PDE4D: variants seen among roughly 807,000 people sequenced by gnomAD.
PDE4D encodes the protein phosphodiesterase 4D.
Under a neutral mutation model 87.4 loss-of-function variants are expected in PDE4D, and 24 were observed. That is an observed-to-expected ratio of 0.27 (90% CI 0.20 to 0.39). The LOEUF (loss-of-function observed/expected upper bound fraction) is 0.39, where lower values mean the gene tolerates loss of function less well. Ranked by LOEUF, PDE4D falls within the 10% of genes least tolerant of loss-of-function variation. PDE4D has a pLI of 1.00. For synonymous variants in PDE4D, 384 were observed against 383.2 expected (o/e 1.00, Z -0.02); for missense variants, 714 against 1,041.0 (o/e 0.69, Z 4.32).
chr5:59,409,795 T>TG (rs71604790), intron 1 of PDE4D, among the ~76,000 whole-genome samples: 23,882 of 152,086 alleles, frequency 0.16, 2,312 homozygotes, highest in African/African-American at 0.27. Flanking sequence ...GCCTAATACA[T>TG]GGGGTAATTG....
At chr5:59,988,513 C>A (rs752379606) in exon 3 of PDE4D, 1 of 1,598,414 alleles carries the variant, frequency 6.3e-7, no homozygotes, top group Admixed American at 1.7e-5. Flanking sequence ...GAAGTGATAG[C>A]AATCAGCGGC....
intron 1 of PDE4D, among the ~76,000 whole-genome samples, chr5:59,528,397 A>G (rs1459409266): frequency 6.6e-6 from 1 of 152,204 alleles, no homozygotes; most frequent in African/African-American, 2.4e-5. Flanking sequence ...GGAGTTAAAT[A>G]GGGTCACATT....
chr5:59,063,858 G>A, intron 5 of PDE4D, among the ~76,000 whole-genome samples: 1 of 152,096 alleles, frequency 6.6e-6, no homozygotes, highest in East Asian at 1.9e-4. Flanking sequence ...TTAAAGATGA[G>A]TGAAAATAGG....
intron 1 of PDE4D, among the ~76,000 whole-genome samples, chr5:59,510,035 T>A (rs1460684467): frequency 6.7e-6 from 1 of 150,122 alleles, no homozygotes; most frequent in Non-Finnish European, 1.5e-5. Context: ...GAATAGGTAC[T>A]ATACAAATAT....
intron 1 of PDE4D, among the ~76,000 whole-genome samples, chr5:59,663,828 A>G (rs1745642501): frequency 6.6e-6 from 1 of 152,222 alleles, no homozygotes; most frequent in African/African-American, 2.4e-5. Flanking sequence ...TTTGAACCAT[A>G]TAAAGCCTGA....
At chr5:60,500,696 C>G (rs1316425912) in intron 1 of PDE4D, among the ~76,000 whole-genome samples, 1 of 152,216 alleles carries the variant, frequency 6.6e-6, no homozygotes, top group East Asian at 1.9e-4. Context: ...AGCTGCATGA[C>G]TTCAGGCAGC....
intron 1 of PDE4D, among the ~76,000 whole-genome samples, chr5:59,694,785 G>C (rs1279961938): frequency 6.6e-6 from 1 of 152,172 alleles, no homozygotes; most frequent in Non-Finnish European, 1.5e-5. Context: ...AATGTATACT[G>C]TATCCCTATG....
chr5:59,051,457 A>G (rs1761541839), intron 5 of PDE4D, among the ~76,000 whole-genome samples: 1 of 152,232 alleles, frequency 6.6e-6, no homozygotes, highest in African/African-American at 2.4e-5. Context: ...GTCATTGGTT[A>G]ATGACAGAGC....
rs115957531 is a variant in PDE4D at position 59,519,999 on chromosome 5, C to T, written c.456-304031G>A. 6.5e-3 allele frequency among the ~76,000 whole-genome samples: 987 copies of T among 152,250 alleles called. 9 individuals are homozygous for T. The highest frequency in any genetic ancestry group is 0.023 in the African/African-American group (956 of 41,550). On this transcript the variant is annotated intron_variant, in intron 1 of 14. Coordinates refer to ENST00000340635, the MANE Select transcript of PDE4D (RefSeq NM_001104631.2). ...TTTATGGGCAGGACACGGTACCTCA[C>T]ACCTGTAATCCCAGCTTTTTTGGAG...
At position 60,332,768 on chromosome 5, in the gene PDE4D, T is replaced by C. The variant is rs76417270; in HGVS notation, c.-89-147081A>G. On this transcript the variant is annotated intron_variant, in intron 1 of 16. Coordinates refer to the PDE4D transcript ENST00000502484. ...TGAGTTATTTATCACTCAGTGGTTA[T>C]ATATAGATATGGCTATGAGTCATTT... Among the ~76,000 whole-genome samples the C allele has an allele frequency of 0.012, 1,829 of 152,258 alleles. 61 individuals are homozygous for C. In the East Asian group the frequency reaches 0.13, roughly 11 times the overall value.
chr5:59,875,460 C>CAAAAAAAAAAAAAAAAAAAA (rs3062667), intron 1 of PDE4D, among the ~76,000 whole-genome samples: 6 of 39,688 alleles, frequency 1.5e-4, no homozygotes, highest in African/African-American at 4.1e-4. Flanking sequence ...ACCTCCGTCT[C>CAAAAAAAAAAAAAAAAAAAA]AAAAAAAAAA....
At chr5:59,821,592 A>G (rs1769683240) in intron 1 of PDE4D, among the ~76,000 whole-genome samples, 1 of 152,254 alleles carries the variant, frequency 6.6e-6, no homozygotes, top group East Asian at 1.9e-4. Flanking sequence ...TGTTTTAAAT[A>G]AAGTTTCCTT....
intron 2 of PDE4D, among the ~76,000 whole-genome samples, chr5:60,135,921 A>C (rs1779997711): frequency 6.6e-6 from 1 of 152,166 alleles, no homozygotes; most frequent in African/African-American, 2.4e-5. Context: ...TTCTTTGACA[A>C]TAGACCTTCC....
intron 1 of PDE4D, among the ~76,000 whole-genome samples, chr5:59,720,662 C>A (rs1755695819): frequency 6.6e-6 from 1 of 152,122 alleles, no homozygotes; most frequent in Non-Finnish European, 1.5e-5. Context: ...AGTTACAACT[C>A]TGTGTTTTAA....
chr5:59,480,196 C>T (rs1011835218), intron 1 of PDE4D, among the ~76,000 whole-genome samples: 5 of 145,776 alleles, frequency 3.4e-5, no homozygotes, highest in East Asian at 2.0e-4. Context: ...GTACTCCAAG[C>T]TTTTTTTTTT....
chr5:59,285,167 C>T (rs1377106624), intron 1 of PDE4D, among the ~76,000 whole-genome samples: 5 of 135,084 alleles, frequency 3.7e-5, no homozygotes, highest in African/African-American at 1.4e-4. Flanking sequence ...ACATATGTAA[C>T]TAACCTGCAC....
chr5:59,785,664 A>T (rs1218515572), intron 1 of PDE4D, among the ~76,000 whole-genome samples: 1 of 152,224 alleles, frequency 6.6e-6, no homozygotes, highest in African/African-American at 2.4e-5. Flanking sequence ...AATAATTTGC[A>T]ATAGCTCTGA....
chr5:60,084,414 G>A (rs561486602), intron 2 of PDE4D, among the ~76,000 whole-genome samples: 52 of 151,898 alleles, frequency 3.4e-4, no homozygotes, highest in Middle Eastern at 6.8e-3. Context: ...GTGCGCGCGC[G>A]CGTGTGCGCA....
At position 58,974,935 on chromosome 5, in the gene PDE4D, G is replaced by A; in HGVS notation, c.2159C>T (p.Pro720Leu). The A allele has an allele frequency of 6.2e-7, 1 of 1,613,356 alleles. No individual in the cohort carries two copies. Among genetic ancestry groups the A allele is most frequent in the Non-Finnish European group, 8.5e-7 (1 of 1,179,472 alleles). The change falls in exon 15 of 15, where the codon CCT (proline) becomes CTT (leucine). Residue 720 changes from proline to leucine, a missense_variant. Pro to Leu is a moderately conservative substitution (Grantham distance 98, BLOSUM62 -3). This residue lies in a region of PDE4D where 97 missense variants were observed against 176.9 expected (regional missense o/e 0.55). Coordinates refer to ENST00000340635, the MANE Select transcript of PDE4D (RefSeq NM_001104631.2). ...STIPQSPSPAPDDPEEGRQGQ... is the reference protein window; with the variant it reads ...STIPQSPSPALDDPEEGRQGQ... ...CTGCCGGCCCTCCTCTGGGTCATCA[G>A]GTGCAGGAGAGGGGCTCTGAGGGAT...
Sources: allele counts gnomAD v4.1 joint callset (sites outside exome capture counted in the v4.1 genomes callset), GRCh38; gene constraint gnomAD v4.1.1; regional missense constraint gnomAD v4.1.1; transcripts MANE v1.5; gene names NCBI Gene and HGNC (gene_info 2026-07-23, HGNC 2026-07-21).